The following RPH3A variants were observed in gnomAD, a reference collection of about 807,000 sequenced individuals.
The protein encoded by RPH3A is rabphilin 3A, also known as rabphilin-3A.
A neutral mutation model predicts 102.2 loss-of-function variants in RPH3A; 48 were observed. The observed-to-expected ratio is 0.47, with a 90% CI of 0.37 to 0.60. The LOEUF is 0.60. RPH3A is among the 20% of genes least tolerant of loss of function. The pLI, the probability that RPH3A is intolerant of heterozygous loss-of-function variation, is 0.00. For missense variants in RPH3A, 781 were observed against 910.1 expected (o/e 0.86, Z 1.83); for synonymous variants, 310 against 324.3 (o/e 0.96, Z 0.47).
intron 2 of RPH3A, among the ~76,000 whole-genome samples, chr12:112,827,671 A>T (rs1284075452): frequency 6.6e-6 from 1 of 152,016 alleles, no homozygotes; most frequent in Non-Finnish European, 1.5e-5. Flanking sequence ...GATAGCTTGG[A>T]TGTAGAGTAT....
intron 1 of RPH3A, among the ~76,000 whole-genome samples, chr12:112,709,360 G>A (rs773068582): frequency 1.3e-5 from 2 of 152,058 alleles, no homozygotes; most frequent in Admixed American, 6.5e-5. Context: ...GACCAGCCTG[G>A]GTAACAAAGT....
At chr12:112,842,449 AC>A (rs2042162046) in intron 4 of RPH3A, among the ~76,000 whole-genome samples, 1 of 152,152 alleles carries the variant, frequency 6.6e-6, no homozygotes, top group South Asian at 2.1e-4. Flanking sequence ...ATGCTATGTA[AC>A]CTGTTCCTAA....
chr12:112,632,818 G>A (rs1310431908), intron 1 of RPH3A, among the ~76,000 whole-genome samples: 1 of 152,166 alleles, frequency 6.6e-6, no homozygotes, highest in Non-Finnish European at 1.5e-5. Context: ...AGGGAGAGAA[G>A]TGAGAGGTGA....
intron 15 of RPH3A, among the ~76,000 whole-genome samples, chr12:112,882,995 T>C (rs1482588011): frequency 6.6e-6 from 1 of 152,198 alleles, no homozygotes; most frequent in African/African-American, 2.4e-5. Flanking sequence ...CTCCCTGACC[T>C]ATAAATGATT....
intron 1 of RPH3A, among the ~76,000 whole-genome samples, chr12:112,638,832 A>G (rs2039865728): frequency 1.3e-5 from 2 of 152,212 alleles, no homozygotes; most frequent in South Asian, 4.1e-4. Flanking sequence ...AGGAAACCCG[A>G]GATGATAGAG....
rs115629637 is a variant in RPH3A, at chr12:112,695,646, G to A, written c.-139-96497G>A. On this transcript the variant is annotated intron_variant, in intron 1 of 21. Transcript: ENST00000543106. ...CCACATAATCTTGGGAGGCAGGTAG[G>A]GGTATCCCCATTATATGGAGTCCTA... is the stretch of plus-strand genomic sequence containing the variant. Among the ~76,000 whole-genome samples, 596 of 152,348 alleles carry A rather than the reference G, an allele frequency of 3.9e-3. 5 individuals carry two copies. The highest frequency in any genetic ancestry group is 0.014 in the African/African-American group (568 of 41,584).
At chr12:112,740,146 A>G (rs2040698690) in intron 1 of RPH3A, among the ~76,000 whole-genome samples, 1 of 152,150 alleles carries the variant, frequency 6.6e-6, no homozygotes, top group African/African-American at 2.4e-5. Context: ...TGCTTCTTTT[A>G]GCCTTGATTT....
chr12:112,742,706 C>T, intron 1 of RPH3A, among the ~76,000 whole-genome samples: 1 of 152,200 alleles, frequency 6.6e-6, no homozygotes, highest in East Asian at 1.9e-4. Context: ...GACATCCCAG[C>T]ATGGTGAGGA....
In RPH3A at chr12:112,678,286, A is replaced by AG. The variant is rs1491210263; in HGVS notation, c.-140+102967_-140+102968insG. Among the ~76,000 whole-genome samples, 148 of 84,394 alleles carry AG rather than the reference A, an allele frequency of 1.8e-3. 12 individuals are homozygous for AG. Among genetic ancestry groups the AG allele is most frequent in the African/African-American group, 6.3e-3 (77 of 12,134 alleles). 55.4% of individuals were successfully genotyped at this position (84,394 alleles called of 152,430 possible). On this transcript the variant is annotated intron_variant, in intron 1 of 21. Coordinates refer to the RPH3A transcript ENST00000543106. ...GAAAGAAAGAAAGAAAGAAAGAAAG[A>AG]AAGAAAGAAAGAAAGAAAGAGAGAG...
intron 1 of RPH3A, among the ~76,000 whole-genome samples, chr12:112,677,349 TCCTC>T (rs1268622939): frequency 2.8e-5 from 1 of 35,312 alleles, no homozygotes; most frequent in Non-Finnish European, 5.5e-5. Flanking sequence ...CTCCTTCCCT[TCCTC>T]CCTCCCTCCC....
chr12:112,737,580 A>C (rs1242205828), intron 1 of RPH3A, among the ~76,000 whole-genome samples: 1 of 152,216 alleles, frequency 6.6e-6, no homozygotes, highest in Non-Finnish European at 1.5e-5. Context: ...AATCCCAGAC[A>C]GACATGGCTA....
chr12:112,712,931 T>TTCTTCC (rs1555203957), intron 1 of RPH3A, among the ~76,000 whole-genome samples: 3 of 110,168 alleles, frequency 2.7e-5, no homozygotes, highest in Non-Finnish European at 5.8e-5. Flanking sequence ...CTTCCTCTTC[T>TTCTTCC]TCTTCTTCTT....
chr12:112,873,657 C>T (rs999747849), intron 10 of RPH3A, among the ~76,000 whole-genome samples: 12 of 152,224 alleles, frequency 7.9e-5, no homozygotes, highest in Middle Eastern at 3.2e-3. Flanking sequence ...GTCCTACCTT[C>T]GGGGCTTCCT....
intron 1 of RPH3A, among the ~76,000 whole-genome samples, chr12:112,643,266 G>T (rs1255150228): frequency 6.6e-6 from 1 of 152,172 alleles, no homozygotes; most frequent in African/African-American, 2.4e-5. Flanking sequence ...CAGCCAGTGG[G>T]TAGCGAGGAT....
chr12:112,675,877 G>A (rs2040170703), intron 1 of RPH3A, among the ~76,000 whole-genome samples: 1 of 152,204 alleles, frequency 6.6e-6, no homozygotes, highest in South Asian at 2.1e-4. Flanking sequence ...AGATGTAAAT[G>A]CAGGAACTGT....
intron 1 of RPH3A, among the ~76,000 whole-genome samples, chr12:112,621,614 G>A (rs9795519): frequency 3.3e-5 from 5 of 151,088 alleles, no homozygotes; most frequent in Admixed American, 3.3e-4. Context: ...ACTGCAAGGC[G>A]GCAGCGAGGC....
At position 112,777,009 on chromosome 12, in the gene RPH3A, A is replaced by C. The variant is rs138578209; in HGVS notation, c.-139-15134A>C. Among the ~76,000 whole-genome samples, 326 of 152,028 alleles carry C rather than the reference A, an allele frequency of 2.1e-3. 4 individuals are homozygous for C. Among genetic ancestry groups the C allele is most frequent in the African/African-American group, 7.3e-3 (304 of 41,500 alleles). On this transcript the variant is annotated intron_variant, in intron 1 of 21. Coordinates refer to the RPH3A transcript ENST00000543106. Reference sequence around the variant, plus strand: ...TTCAAAGGGTGGAGAAGTTAACTCCATCTCTTGATGGGCAGAGCTACAAAA... The same window carrying C: ...TTCAAAGGGTGGAGAAGTTAACTCCCTCTCTTGATGGGCAGAGCTACAAAA...
intron 1 of RPH3A, among the ~76,000 whole-genome samples, chr12:112,594,816 A>G (rs2039505147): frequency 6.6e-6 from 1 of 152,190 alleles, no homozygotes; most frequent in Non-Finnish European, 1.5e-5. Flanking sequence ...TATTATTGTT[A>G]TGCATAAAGG....
chr12:112,703,454 C>T (rs778811601), intron 1 of RPH3A, among the ~76,000 whole-genome samples: 2 of 152,206 alleles, frequency 1.3e-5, no homozygotes, highest in South Asian at 2.1e-4. Context: ...TAGTATAGAA[C>T]TGCAGTACTG....
Sources: allele counts gnomAD v4.1 joint callset (sites outside exome capture counted in the v4.1 genomes callset), GRCh38; gene constraint gnomAD v4.1.1; transcripts MANE v1.5; gene names NCBI Gene and HGNC (gene_info 2026-07-23, HGNC 2026-07-21).